Variants in FAM162A observed in about 807,000 individuals in gnomAD.
FAM162A encodes protein FAM162A.
In FAM162A, 23 loss-of-function variants were observed where a neutral mutation model predicts 21.8. The observed-to-expected ratio is 1.05, with a 90% CI of 0.76 to 1.49. FAM162A has a LOEUF of 1.49. FAM162A is among the 40% of genes most tolerant of loss of function. The pLI is 0.00. For synonymous variants in FAM162A, 53 were observed against 61.3 expected, an observed-to-expected ratio of 0.86 and a Z score of 0.64; for missense variants, 165 against 186.4, an observed-to-expected ratio of 0.89 and a Z score of 0.67.
chr3:122,402,893 A>G lies in FAM162A; in HGVS notation c.157+11A>G. Reference sequence around the variant, plus strand: ...CCGGAGCTCCATCCCGTAAGTTTTTATTTTTTCTATTTATGGAGTTGGTAG... The same window carrying G: ...CCGGAGCTCCATCCCGTAAGTTTTTGTTTTTTCTATTTATGGAGTTGGTAG... On this transcript the variant is annotated intron_variant, in intron 2 of 4. Transcript: ENST00000477892. 6.3e-7 allele frequency: 1 copy of G among 1,581,866 alleles called. No individual in the cohort carries two copies. The highest frequency in any genetic ancestry group is 1.2e-5 in the South Asian group (1 of 83,578).
chr3:122,408,803 C>T (rs2075689939), intron 4 of FAM162A, among the ~76,000 whole-genome samples: 1 of 152,214 alleles, frequency 6.6e-6, no homozygotes, highest in Non-Finnish European at 1.5e-5. Flanking sequence ...CACCTGGAAT[C>T]TCTTCTAGCA....
At chr3:122,390,510 A>AC (rs1449740520) in intron 1 of FAM162A, among the ~76,000 whole-genome samples, 1 of 152,094 alleles carries the variant, frequency 6.6e-6, no homozygotes, top group African/African-American at 2.4e-5. Flanking sequence ...AAGCATCCCT[A>AC]CCTTTCCTCA....
rs182653053 is a variant in FAM162A, at chr3:122,399,242, C to G, written c.35-3518C>G. On this transcript the variant is annotated intron_variant, in intron 1 of 4. Transcript: ENST00000477892. ...GATAATGAATGACCTCCAGCTCCAT[C>G]AGTGTTCCTACAGAGGACATGCTCT... 3.0e-4 allele frequency among the ~76,000 whole-genome samples: 45 copies of G among 152,304 alleles called. No individual in the cohort carries two copies. In the East Asian group the frequency reaches 6.9e-3, roughly 23 times the overall value.
intron 1 of FAM162A, among the ~76,000 whole-genome samples, chr3:122,392,094 A>G (rs1339944416): frequency 6.6e-6 from 1 of 152,224 alleles, no homozygotes; most frequent in East Asian, 1.9e-4. Context: ...GATAGTAGGT[A>G]TACATGTTAG....
chr3:122,404,220 T>A, intron 2 of FAM162A, 38 bp from the exon 3 acceptor site: 3 of 1,042,650 alleles, frequency 2.9e-6, no homozygotes, highest in Non-Finnish European at 2.8e-6. Flanking sequence ...AGTTATAATC[T>A]CAAACACATA....
rs2075708022 is a variant in FAM162A, at chr3:122,412,015, G to C, written c.*2184G>C. Reference sequence around the variant, plus strand: ...TATCAGTTTCTTGGCCAGAATTCAAGATCTGCCCCTAACTAATCCTACTTC... The same window carrying C: ...TATCAGTTTCTTGGCCAGAATTCAACATCTGCCCCTAACTAATCCTACTTC... On this transcript the variant is annotated 3_prime_UTR_variant, in exon 5 of 5. Transcript: ENST00000477892. 6.6e-6 allele frequency: 1 copy of C among 152,060 alleles called. No homozygotes were observed. Among genetic ancestry groups the C allele is most frequent in the Non-Finnish European group, 1.5e-5 (1 of 68,024 alleles). 9.4% of individuals were successfully genotyped at this position (152,060 alleles called of 1,614,324 possible). A position where few individuals can be genotyped will look rare whatever the true frequency, so the allele number is the denominator to read the frequency against.
At chr3:122,408,975 T>C (rs13320117) in intron 4 of FAM162A, among the ~76,000 whole-genome samples, 57,224 of 151,676 alleles carry the variant, frequency 0.38, 10,926 homozygotes, top group East Asian at 0.49. Flanking sequence ...TTAGCCATTG[T>C]ATATTTTGCT....
At chr3:122,387,554 AT>A (rs1192470947) in intron 1 of FAM162A, among the ~76,000 whole-genome samples, 2 of 152,206 alleles carry the variant, frequency 1.3e-5, no homozygotes, top group Non-Finnish European at 2.9e-5. Flanking sequence ...CCTGGCTCCC[AT>A]TCTGATTTTA....
chr3:122,395,089 C>G (rs1173007357), intron 1 of FAM162A, among the ~76,000 whole-genome samples: 2 of 152,170 alleles, frequency 1.3e-5, no homozygotes, highest in Non-Finnish European at 2.9e-5. Flanking sequence ...TAAAAACACT[C>G]AGAAACTATG....
intron 1 of FAM162A, among the ~76,000 whole-genome samples, chr3:122,394,848 C>T (rs1576248817): frequency 6.6e-6 from 1 of 152,102 alleles, no homozygotes; most frequent in East Asian, 1.9e-4. Flanking sequence ...ACTATAGACC[C>T]ATATATATCC....
chr3:122,405,386 C>T (rs888921722), intron 3 of FAM162A, among the ~76,000 whole-genome samples: 1 of 152,220 alleles, frequency 6.6e-6, no homozygotes, highest in Non-Finnish European at 1.5e-5. Flanking sequence ...AGCTTTTCTG[C>T]TTCTGCCAGT....
intron 1 of FAM162A, among the ~76,000 whole-genome samples, chr3:122,399,542 T>A (rs2075643854): frequency 6.6e-6 from 1 of 152,178 alleles, no homozygotes; most frequent in Non-Finnish European, 1.5e-5. Context: ...GATGGACATT[T>A]AGGTTGATTC....
chr3:122,389,159 TGGTGA>T (rs777967861), intron 1 of FAM162A, among the ~76,000 whole-genome samples: 11 of 152,020 alleles, frequency 7.2e-5, no homozygotes, highest in Non-Finnish European at 1.6e-4. Flanking sequence ...AAAGTGTGGG[TGGTGA>T]AGTGAAGTAG....
Position 122,409,821 on chromosome 3 carries a change from A to G in FAM162A, c.455A>G (p.Lys152Arg), listed in dbSNP as rs748176562. ...RLKEEAAMKA[K>R]TE The stretch of plus-strand genomic sequence containing the variant: ...AAAGAGGAAGCAGCTATGAAGGCCA[A>G]AACAGAGTAGCAGAGGTATCCGTGT... Residue 152 changes from lysine to arginine, a missense_variant, in exon 5 of 5, where the codon AAA becomes AGA. Lys to Arg is a conservative substitution (Grantham distance 26). Coordinates refer to ENST00000477892, the MANE Select transcript of FAM162A (RefSeq NM_014367.4). The G allele has an allele frequency of 2.9e-5, 46 of 1,613,840 alleles. No homozygotes were observed. The highest frequency in any genetic ancestry group is 3.9e-5 in the Non-Finnish European group (46 of 1,179,826).
At chr3:122,409,664 T>C (rs2075694698) in intron 4 of FAM162A, 75 bp from the exon 5 acceptor site, 2 of 1,276,504 alleles carry the variant, frequency 1.6e-6, no homozygotes, top group South Asian at 1.2e-5. Flanking sequence ...GTTAACCTGC[T>C]GTCATCAGTG....
intron 3 of FAM162A, among the ~76,000 whole-genome samples, 155 bp from the exon 4 acceptor site, chr3:122,407,126 A>T (rs770708983): frequency 6.6e-6 from 1 of 152,120 alleles, no homozygotes; most frequent in Admixed American, 6.5e-5. Flanking sequence ...AAGTCCTATG[A>T]GATCTCTAGG....
intron 2 of FAM162A, among the ~76,000 whole-genome samples, chr3:122,403,417 A>G (rs1332318471): frequency 6.6e-6 from 1 of 152,210 alleles, no homozygotes; most frequent in East Asian, 1.9e-4. Flanking sequence ...GTAGTCCAGA[A>G]ATTATGTTTT....
At chr3:122,406,908 T>C (rs1354364538) in intron 3 of FAM162A, among the ~76,000 whole-genome samples, 1 of 152,152 alleles carries the variant, frequency 6.6e-6, no homozygotes, top group Non-Finnish European at 1.5e-5. Context: ...GAAATGACTG[T>C]TTCACTTCTA....
At chr3:122,406,195 A>C (rs1231629126) in intron 3 of FAM162A, among the ~76,000 whole-genome samples, 2 of 152,198 alleles carry the variant, frequency 1.3e-5, no homozygotes, top group Non-Finnish European at 2.9e-5. Flanking sequence ...ATCTACTGAG[A>C]AGGCCATAAG....
Sources: gnomAD v4.1 joint callset for allele counts (sites outside exome capture counted in the v4.1 genomes callset) on GRCh38, gnomAD v4.1.1 for gene constraint, MANE v1.5 for transcripts, NCBI Gene and HGNC (gene_info 2026-07-23, HGNC 2026-07-21) for gene names.